KLHL1: variants seen among roughly 807,000 people sequenced by gnomAD.
KLHL1 encodes kelch-like protein 1.
In KLHL1, 47 loss-of-function variants were observed where a neutral mutation model predicts 77.7. The ratio of observed to expected loss-of-function variants is 0.60; its 90% confidence interval spans 0.48 to 0.77. The LOEUF (loss-of-function observed/expected upper bound fraction) is 0.77, where lower values mean the gene tolerates loss of function less well. Ranked by LOEUF, KLHL1 falls within the 30% of genes least tolerant of loss-of-function variation. KLHL1 has a pLI of 0.00. For synonymous variants in KLHL1, 360 were observed against 325.2 expected, an observed-to-expected ratio of 1.11 and a Z score of -1.15; for missense variants, 925 against 910.8, an observed-to-expected ratio of 1.02 and a Z score of -0.20.
chr13:70,077,509 G>A (rs1037151367), intron 1 of KLHL1, among the ~76,000 whole-genome samples: 5 of 151,200 alleles, frequency 3.3e-5, no homozygotes, highest in African/African-American at 7.4e-5. Context: ...TATTATGTAT[G>A]ATCCTAAAAT....
chr13:69,831,550 A>G (rs1878762086), intron 6 of KLHL1, among the ~76,000 whole-genome samples: 2 of 150,098 alleles, frequency 1.3e-5, no homozygotes, highest in South Asian at 2.1e-4. Context: ...ATTCTATTGA[A>G]ACTATTCCAA....
At position 69,830,645 on chromosome 13, in the gene KLHL1, C is replaced by A. The variant is rs561595973; in HGVS notation, c.1414+8331G>T. Reference sequence around the variant, plus strand: ...TTCTACCCAACAGCTGCAGAATATACATTCTATTCATCAGCACATGGAACA... The same window carrying A: ...TTCTACCCAACAGCTGCAGAATATAAATTCTATTCATCAGCACATGGAACA... On this transcript the variant is annotated intron_variant, in intron 6 of 10. Transcript: ENST00000377844. Among the ~76,000 whole-genome samples, 9 of 150,304 alleles carry A rather than the reference C, an allele frequency of 6.0e-5. No individual in the cohort carries two copies. The East Asian group carries it at 1.7e-3, about 29-fold the overall frequency.
intron 1 of KLHL1, among the ~76,000 whole-genome samples, chr13:70,046,219 GA>G (rs368679105): frequency 0.025 from 3,590 of 146,048 alleles, 36 homozygotes; most frequent in Middle Eastern, 0.031. Flanking sequence ...ATAAGTGTGA[GA>G]AAAAAAAAAA....
intron 1 of KLHL1, among the ~76,000 whole-genome samples, chr13:70,106,013 T>A (rs992043905): frequency 4.0e-5 from 6 of 150,734 alleles, no homozygotes; most frequent in East Asian, 2.0e-4. Flanking sequence ...TAATTGAAAA[T>A]TTTTAAGGAT....
intron 4 of KLHL1, among the ~76,000 whole-genome samples, chr13:69,921,593 C>A (rs1882637603): frequency 6.6e-6 from 1 of 152,152 alleles, no homozygotes; most frequent in African/African-American, 2.4e-5. Flanking sequence ...AAATCCTAAC[C>A]CTCTTCCTGT....
chr13:69,795,312 T>A (rs368168135), intron 7 of KLHL1, among the ~76,000 whole-genome samples: 1 of 152,128 alleles, frequency 6.6e-6, no homozygotes, highest in African/African-American at 2.4e-5. Context: ...GATGGTGGAG[T>A]AGACATGAAT....
chr13:69,919,113 T>C (rs1444019207), intron 4 of KLHL1, among the ~76,000 whole-genome samples: 2 of 152,154 alleles, frequency 1.3e-5, no homozygotes, highest in Admixed American at 6.5e-5. Flanking sequence ...GCATTTTGCC[T>C]GAGGAGCAGC....
intron 6 of KLHL1, among the ~76,000 whole-genome samples, chr13:69,832,885 G>A (rs754874469): frequency 6.6e-6 from 1 of 152,106 alleles, no homozygotes; most frequent in African/African-American, 2.4e-5. Flanking sequence ...AAATTTTGTT[G>A]GGATAATTGG....
chr13:70,071,853 A>G (rs932053498), intron 1 of KLHL1, among the ~76,000 whole-genome samples: 8 of 152,108 alleles, frequency 5.3e-5, no homozygotes, highest in African/African-American at 1.9e-4. Context: ...AATTGGAAGT[A>G]TGTCTATAAA....
At chr13:69,768,424 T>C (rs1875410238) in intron 7 of KLHL1, among the ~76,000 whole-genome samples, 1 of 152,044 alleles carries the variant, frequency 6.6e-6, no homozygotes, top group Non-Finnish European at 1.5e-5. Context: ...GAACAAAGCA[T>C]GGAGGAATAA....
chr13:69,805,581 C>A (rs986016314), intron 6 of KLHL1, among the ~76,000 whole-genome samples: 1 of 150,356 alleles, frequency 6.7e-6, no homozygotes, highest in Non-Finnish European at 1.5e-5. Flanking sequence ...AAATTAAAAC[C>A]ATTTAGATAG....
At chr13:69,823,459 A>G (rs1210319335) in intron 6 of KLHL1, among the ~76,000 whole-genome samples, 3 of 152,042 alleles carry the variant, frequency 2.0e-5, no homozygotes, top group Admixed American at 1.3e-4. Context: ...TTAAAAAATC[A>G]TTAAAATTAT....
chr13:69,964,401 T>C (rs1304710552), intron 2 of KLHL1, among the ~76,000 whole-genome samples: 2 of 152,182 alleles, frequency 1.3e-5, no homozygotes, highest in Non-Finnish European at 2.9e-5. Context: ...TGATGTAATA[T>C]GTCCTTTATT....
intron 1 of KLHL1, among the ~76,000 whole-genome samples, chr13:70,066,110 A>T (rs969229391): frequency 6.6e-6 from 1 of 152,174 alleles, no homozygotes; most frequent in African/African-American, 2.4e-5. Flanking sequence ...GAACTAAATC[A>T]AGCAACACAA....
In KLHL1 at chr13:69,958,450, G is replaced by T. The variant is rs547591025; in HGVS notation, c.817+2858C>A. On this transcript the variant is annotated intron_variant, in intron 3 of 10. Transcript: ENST00000377844. ...ATTCTATAAAAGTTATTTTTTCAAA[G>T]ATTATAAACTATAATCATTGAAGCT... Among the ~76,000 whole-genome samples, 16 of 145,536 alleles carry T rather than the reference G, an allele frequency of 1.1e-4. No homozygotes were observed. The East Asian group carries it at 3.1e-3, about 28-fold the overall frequency.
chr13:69,793,499 T>G (rs1250452973), intron 7 of KLHL1, among the ~76,000 whole-genome samples: 2 of 90 alleles, frequency 0.022, no homozygotes, highest in Non-Finnish European at 0.056. Context: ...ATCATGTAAG[T>G]TTTTTTTTTA....
chr13:69,706,737 A>C (rs1285113933), intron 10 of KLHL1, among the ~76,000 whole-genome samples: 1 of 151,988 alleles, frequency 6.6e-6, no homozygotes, highest in African/African-American at 2.4e-5. Flanking sequence ...TTTGGAGAAG[A>C]ATGAAAGTAA....
chr13:69,806,384 G>A (rs545400044), intron 6 of KLHL1, among the ~76,000 whole-genome samples: 47 of 152,266 alleles, frequency 3.1e-4, no homozygotes, highest in African/African-American at 1.0e-3. Flanking sequence ...CAAGATGGCT[G>A]ACTAGACCCA....
chr13:69,926,946 CAAAAAAAAAA>C (rs71116960), intron 4 of KLHL1, among the ~76,000 whole-genome samples: 30 of 36,038 alleles, frequency 8.3e-4, no homozygotes, highest in Non-Finnish European at 1.1e-3. Flanking sequence ...GACTCCATCT[CAAAAAAAAAA>C]AAAAAAAAAA....
Sources: gnomAD v4.1 joint callset for allele counts (sites outside exome capture counted in the v4.1 genomes callset) on GRCh38, gnomAD v4.1.1 for gene constraint, MANE v1.5 for transcripts, NCBI Gene and HGNC (gene_info 2026-07-23, HGNC 2026-07-21) for gene names.